Variants in ROCK2 observed in about 807,000 individuals in gnomAD.
ROCK2 encodes Rho associated coiled-coil containing protein kinase 2.
In ROCK2, 61 loss-of-function variants were observed where a neutral mutation model predicts 195.1. The ratio of observed to expected loss-of-function variants is 0.31; its 90% CI spans 0.25 to 0.39. The LOEUF (loss-of-function observed/expected upper bound fraction) is 0.39. ROCK2 is among the 10% of genes least tolerant of loss of function. The pLI is 1.00. For synonymous variants in ROCK2, 504 were observed against 545.5 expected, an observed-to-expected ratio of 0.92 and a Z score of 1.06; for missense variants, 1,109 against 1,637.4, an observed-to-expected ratio of 0.68 and a Z score of 5.57.
upstream of ROCK2, among the ~76,000 whole-genome samples, chr2:11,344,745 TC>T (rs1669241610): frequency 6.7e-6 from 1 of 148,776 alleles, no homozygotes; most frequent in Non-Finnish European, 1.5e-5. The surrounding 1 kb of genome is among the most constrained non-coding windows in gnomAD (Gnocchi z 5.4). Flanking sequence ...GCACCGCGCT[TC>T]CTCCCTTTCT....
chr2:11,207,694 G>A (rs747375749), intron 20 of ROCK2, 32 bp downstream of exon 20: 1 of 1,512,480 alleles, frequency 6.6e-7, no homozygotes, highest in Non-Finnish European at 9.0e-7. Context: ...GGATAATTAT[G>A]CATATTAAAA....
chr2:11,214,747 A>C (rs776922869), intron 16 of ROCK2, 93 bp downstream of exon 16: 3 of 1,167,016 alleles, frequency 2.6e-6, no homozygotes, highest in Non-Finnish European at 3.6e-6. Context: ...GTATATTCAG[A>C]AATGTCCAAT....
At chr2:11,254,347 A>G (rs946924658) in intron 3 of ROCK2, among the ~76,000 whole-genome samples, 1 of 152,220 alleles carries the variant, frequency 6.6e-6, no homozygotes, top group African/African-American at 2.4e-5. Context: ...ATATAATTGC[A>G]TGTTTCTGCT....
At chr2:11,299,483 C>T (rs898545076) in intron 1 of ROCK2, among the ~76,000 whole-genome samples, 2 of 152,006 alleles carry the variant, frequency 1.3e-5, no homozygotes, top group Admixed American at 1.3e-4. Flanking sequence ...TTAACATTTA[C>T]TGAGTTCATA....
intron 3 of ROCK2, among the ~76,000 whole-genome samples, chr2:11,255,961 T>G (rs539491419): frequency 8.4e-6 from 1 of 118,906 alleles, no homozygotes; most frequent in Non-Finnish European, 1.7e-5. Context: ...AAAAGGAAAC[T>G]ATATGGAAGT....
At chr2:11,327,441 C>T (rs374830500) in intron 1 of ROCK2, among the ~76,000 whole-genome samples, 2 of 152,150 alleles carry the variant, frequency 1.3e-5, no homozygotes, top group South Asian at 2.1e-4. Context: ...AATTGGGAAA[C>T]TATAAAGCCA....
intron 1 of ROCK2, among the ~76,000 whole-genome samples, chr2:11,309,127 G>C (rs1248128737): frequency 3.3e-5 from 5 of 151,652 alleles, no homozygotes; most frequent in Non-Finnish European, 7.4e-5. Context: ...TGATGTATAG[G>C]ACTCCTTTGG....
At chr2:11,300,541 G>A (rs932312852) in intron 1 of ROCK2, among the ~76,000 whole-genome samples, 1 of 152,186 alleles carries the variant, frequency 6.6e-6, no homozygotes, top group Non-Finnish European at 1.5e-5. Context: ...TGGGATTACA[G>A]GCATGAGCCA....
At chr2:11,327,191 T>C (rs546953595) in intron 1 of ROCK2, among the ~76,000 whole-genome samples, 106 of 152,148 alleles carry the variant, frequency 7.0e-4, no homozygotes, top group Non-Finnish European at 1.3e-3. Flanking sequence ...ACAAGGACAC[T>C]GAGGATTCTG....
At chr2:11,232,844 G>T (rs1330719337) in intron 5 of ROCK2, among the ~76,000 whole-genome samples, 9 of 152,230 alleles carry the variant, frequency 5.9e-5, no homozygotes, top group Admixed American at 6.5e-5. Context: ...AGAGTTAAAA[G>T]ATATAAACAG....
chr2:11,184,543 T>G, intron 32 of ROCK2: 3 of 748,794 alleles, frequency 4.0e-6, no homozygotes, highest in Non-Finnish European at 4.9e-6. Flanking sequence ...TTTCGAAAAC[T>G]ACTTTTAACT....
rs1290103037 is a variant in ROCK2 at position 11,256,637 on chromosome 2, CAAAT to C, written c.325-6843_325-6840del. 1.5e-4 allele frequency among the ~76,000 whole-genome samples: 23 copies of C among 150,512 alleles called. 2 individuals are homozygous for C. Among genetic ancestry groups the C allele is most frequent in the African/African-American group, 5.0e-4 (20 of 40,374 alleles). On this transcript the variant is annotated intron_variant, in intron 3 of 32. Transcript: ENST00000315872. ...ATTATGAGTTCAAATGAGTTGAAAA[CAAAT>C]GAATGGAGAAAGATCTACCATGCAA...
At chr2:11,309,895 G>A (rs893129669) in intron 1 of ROCK2, among the ~76,000 whole-genome samples, 17 of 151,886 alleles carry the variant, frequency 1.1e-4, no homozygotes, top group Non-Finnish European at 2.4e-4. Flanking sequence ...GTGGGAAGAC[G>A]GTTTGAGCCC....
intron 9 of ROCK2, among the ~76,000 whole-genome samples, chr2:11,219,764 T>C (rs144277592): frequency 3.1e-4 from 47 of 152,184 alleles, no homozygotes; most frequent in African/African-American, 1.0e-3. Flanking sequence ...CATTCAACTA[T>C]TGAACAGCTT....
chr2:11,344,388 C>G lies in ROCK2; in HGVS notation c.-252G>C. 1 of 1,132,328 alleles carries G rather than the reference C, an allele frequency of 8.8e-7. No individual in the cohort carries two copies. The highest frequency in any genetic ancestry group is 1.6e-5 in the African/African-American group (1 of 61,754). The allele number at this position is 1,132,328 out of a possible 1,614,324, so 70.1% of individuals were successfully genotyped here. A position where few individuals can be genotyped will look rare whatever the true frequency, so the allele number is the denominator to read the frequency against. Reference sequence around the variant, plus strand: ...CGGGGAACAGACGGCGTCCCCGCCCCTCAGTCAGATTCGCGCCGCCGGTCC... The same window carrying G: ...CGGGGAACAGACGGCGTCCCCGCCCGTCAGTCAGATTCGCGCCGCCGGTCC... On this transcript the variant is annotated 5_prime_UTR_variant, in exon 1 of 33. Coordinates refer to ENST00000315872, the MANE Select transcript of ROCK2 (RefSeq NM_004850.5). This position sits in a 1 kb window ranked among gnomAD's most constrained non-coding sequence, Gnocchi z 5.4.
At chr2:11,215,471 T>C in intron 14 of ROCK2, 39 bp downstream of exon 14, 2 of 1,607,784 alleles carry the variant, frequency 1.2e-6, no homozygotes, top group Non-Finnish European at 8.5e-7. Context: ...CACACTTAAT[T>C]TTTTTCTTGA....
At position 11,192,389 on chromosome 2, in the gene ROCK2, T is replaced by C. The variant is rs374585992; in HGVS notation, c.3950-28A>G. The C allele has an allele frequency of 6.3e-7, 1 of 1,597,300 alleles. No individual in the cohort carries two copies. Among genetic ancestry groups the C allele is most frequent in the African/African-American group, 1.4e-5 (1 of 73,728 alleles). On this transcript the variant is annotated intron_variant, in intron 31 of 32. Coordinates refer to ENST00000315872, the MANE Select transcript of ROCK2 (RefSeq NM_004850.5). The surrounding 1 kb of genome is among the most constrained non-coding windows in gnomAD (Gnocchi z 5.0). ...ATAAAGAAAAATTAGAAAAAAAAAT[T>C]AATGTGCTTAAAATGATCTGAACAT... is the stretch of plus-strand genomic sequence containing the variant.
rs70953382 is a variant in ROCK2 at position 11,283,262 on chromosome 2, CAAA to C, written c.324+3274_324+3276del. On this transcript the variant is annotated intron_variant, in intron 3 of 32. Coordinates refer to ENST00000315872, the MANE Select transcript of ROCK2 (RefSeq NM_004850.5). ...CAGCCTGGCGACAGAGACTCCGTCT[CAAA>C]AAAAAAAAAAAGAGGCTGGGCGCAG... Among the ~76,000 whole-genome samples, 128 of 136,306 alleles carry C rather than the reference CAAA, an allele frequency of 9.4e-4. 2 individuals are homozygous for C. In the East Asian group the frequency reaches 0.019, roughly 20 times the overall value. The allele number at this position is 136,306 out of a possible 152,430, so 89.4% of individuals were successfully genotyped here. A position where few individuals can be genotyped will look rare whatever the true frequency, so the allele number is the denominator to read the frequency against.
intron 3 of ROCK2, among the ~76,000 whole-genome samples, chr2:11,258,483 G>A (rs574267304): frequency 4.6e-5 from 7 of 151,284 alleles, no homozygotes; most frequent in Non-Finnish European, 8.8e-5. Flanking sequence ...GTGAATCCCA[G>A]AACATTCTGA....
Sources: gnomAD v4.1 joint callset for allele counts (sites outside exome capture counted in the v4.1 genomes callset) on GRCh38, gnomAD v4.1.1 for gene constraint, Gnocchi (gnomAD v3.1) non-coding constraint, MANE v1.5 for transcripts, NCBI Gene and HGNC (gene_info 2026-07-23, HGNC 2026-07-21) for gene names.